TNS1: variants seen among roughly 807,000 people sequenced by gnomAD.
The protein encoded by TNS1 is tensin 1.
TNS1 carries 62 observed loss-of-function variants against 168.6 expected under a neutral mutation model. The ratio of observed to expected loss-of-function variants is 0.37; its 90% CI spans 0.30 to 0.45. The LOEUF (loss-of-function observed/expected upper bound fraction) is 0.45, where lower values mean the gene tolerates loss of function less well. Ranked by LOEUF, TNS1 falls within the 20% of genes least tolerant of loss-of-function variation. TNS1 has a pLI of 1.00. For synonymous variants in TNS1, 934 were observed against 933.2 expected, an observed-to-expected ratio of 1.00 and a Z score of -0.02; for missense variants, 2,240 against 2,339.4, an observed-to-expected ratio of 0.96 and a Z score of 0.88.
At chr2:217,994,736 A>G (rs1174014940) in intron 1 of TNS1, among the ~76,000 whole-genome samples, 1 of 152,176 alleles carries the variant, frequency 6.6e-6, no homozygotes, top group Non-Finnish European at 1.5e-5. Context: ...TGAGTTTACA[A>G]AATATTTCCC....
At position 217,921,641 on chromosome 2, in the gene TNS1, CTCAT is replaced by C. The variant is rs1445021800; in HGVS notation, c.187-1409_187-1406del. 2.0e-5 allele frequency among the ~76,000 whole-genome samples: 3 copies of C among 152,324 alleles called. No individual in the cohort carries two copies. The South Asian group carries it at 6.2e-4, about 32-fold the overall frequency. ...GTCGGGCTACAGACTCCCTGCCCAA[CTCAT>C]TCTCCAGCAAAGAGGCCCAAATGGA... On this transcript the variant is annotated intron_variant, in intron 3 of 32. Transcript: ENST00000682258.
At chr2:217,881,344 T>C in intron 17 of TNS1, 1 of 249,540 alleles carries the variant, frequency 4.0e-6, no homozygotes, top group South Asian at 7.6e-5. Context: ...CTGGGGCTCC[T>C]GAGGCAGTGC....
chr2:217,913,360 A>G (rs2125825183), intron 4 of TNS1, among the ~76,000 whole-genome samples: 1 of 152,178 alleles, frequency 6.6e-6, no homozygotes, highest in Non-Finnish European at 1.5e-5. Flanking sequence ...CCAAATCCTG[A>G]CTGAGGCTGT....
Position 217,956,430 on chromosome 2 carries a change from G to A in TNS1, c.186+22335C>T, listed in dbSNP as rs6147174. Among the ~76,000 whole-genome samples the A allele has an allele frequency of 6.3e-4, 43 of 68,460 alleles. No homozygotes were observed. The African/African-American group carries it at 7.6e-3, about 12-fold the overall frequency. The allele number at this position is 68,460 out of a possible 152,430, so 44.9% of individuals were successfully genotyped here. A position where few individuals can be genotyped will look rare whatever the true frequency, so the allele number is the denominator to read the frequency against. On this transcript the variant is annotated intron_variant, in intron 3 of 32. Coordinates refer to ENST00000682258, the MANE Select transcript of TNS1 (RefSeq NM_001387777.1). ...CAGCAGAAGGGGGAGTAACAAGGAC[G>A]CAGAAAAGAGAAAGAACAAAGAAAT...
intron 18 of TNS1, chr2:217,858,524 G>A (rs756377518): frequency 3.0e-5 from 30 of 986,052 alleles, no homozygotes; most frequent in South Asian, 9.4e-5. Context: ...GGGAGGAAGC[G>A]GAGGGAAGCC....
At chr2:217,959,069 T>C (rs1957432882) in intron 3 of TNS1, among the ~76,000 whole-genome samples, 2 of 152,154 alleles carry the variant, frequency 1.3e-5, no homozygotes, top group Non-Finnish European at 2.9e-5. Flanking sequence ...AGTGCTGCAC[T>C]GTGCGGGGAG....
intron 4 of TNS1, 141 bp from the exon 5 acceptor site, chr2:217,907,392 T>C: frequency 1.6e-6 from 1 of 640,592 alleles, no homozygotes; most frequent in Non-Finnish European, 2.9e-6. Context: ...TCAGGCATAA[T>C]CTGGCTGGCC....
intron 3 of TNS1, among the ~76,000 whole-genome samples, chr2:217,920,648 G>A (rs192795183): frequency 1.5e-4 from 22 of 150,830 alleles, no homozygotes; most frequent in African/African-American, 4.9e-4. Context: ...CTGTGATTAG[G>A]ACCATCATCA....
intron 18 of TNS1, among the ~76,000 whole-genome samples, chr2:217,867,231 G>A (rs1949357525): frequency 6.6e-6 from 1 of 152,126 alleles, no homozygotes; most frequent in Admixed American, 6.5e-5. Flanking sequence ...TCACTGTCTG[G>A]GAGCATCAAT....
At chr2:217,870,050 T>C (rs373957700) in intron 18 of TNS1, among the ~76,000 whole-genome samples, 41 of 152,318 alleles carry the variant, frequency 2.7e-4, no homozygotes, top group Non-Finnish European at 4.3e-4. Context: ...TTCCTTTTAC[T>C]TTCCAGACTT....
chr2:217,828,362 T>C (rs1372003152), intron 22 of TNS1, among the ~76,000 whole-genome samples: 2 of 152,110 alleles, frequency 1.3e-5, no homozygotes. Context: ...GCACAGGCCA[T>C]CCCCGCTTAG....
upstream of TNS1, among the ~76,000 whole-genome samples, chr2:218,013,877 G>A (rs1958733055): frequency 1.3e-5 from 2 of 152,180 alleles, no homozygotes; most frequent in Admixed American, 6.5e-5. Context: ...ATGGCCAGGT[G>A]GGATGGAGTC....
At chr2:217,944,214 G>A (rs1957042964) in intron 3 of TNS1, 4 of 152,288 alleles carry the variant, frequency 2.6e-5, no homozygotes, top group Admixed American at 1.3e-4. Context: ...GTGCTCTGCT[G>A]GCTGCACTCT....
Position 217,813,424 on chromosome 2 carries a change from A to G in TNS1, c.4862-117T>C, listed in dbSNP as rs1941331694. 1.0e-6 allele frequency: 1 copy of G among 1,003,034 alleles called. No individual in the cohort carries two copies. The highest frequency in any genetic ancestry group is 1.5e-6 in the Non-Finnish European group (1 of 662,528). 62.1% of individuals were successfully genotyped at this position (1,003,034 alleles called of 1,614,324 possible). Reference sequence around the variant, plus strand: ...GGGGCCAAGATGGGAGAAATGACTGAAGAGAGAACGTGGCTGGAGCCCCAT... The same window carrying G: ...GGGGCCAAGATGGGAGAAATGACTGGAGAGAGAACGTGGCTGGAGCCCCAT... On this transcript the variant is annotated intron_variant, in intron 26 of 32. Transcript: ENST00000682258. This position sits in a 1 kb window ranked among gnomAD's most constrained non-coding sequence, Gnocchi z 4.0.
Position 217,800,947 on chromosome 2 carries a change from T to C in TNS1, c.*3512A>G, listed in dbSNP as rs1057027046. Reference sequence around the variant, plus strand: ...CTACTCACTAACCTCCTGAGAGCCGTTTATAGGGGGATCACACTTGTCCAG... The same window carrying C: ...CTACTCACTAACCTCCTGAGAGCCGCTTATAGGGGGATCACACTTGTCCAG... On this transcript the variant is annotated 3_prime_UTR_variant, in exon 33 of 33. Coordinates refer to ENST00000682258, the MANE Select transcript of TNS1 (RefSeq NM_001387777.1). 6.6e-6 allele frequency: 1 copy of C among 151,880 alleles called. No individual in the cohort carries two copies. Among genetic ancestry groups the C allele is most frequent in the Non-Finnish European group, 1.5e-5 (1 of 67,994 alleles). The allele number at this position is 151,880 out of a possible 1,614,324, so 9.4% of individuals were successfully genotyped here.
At position 217,999,303 on chromosome 2, in the gene TNS1, C is replaced by T. The variant is rs1318983034; in HGVS notation, c.33+3537G>A. On this transcript the variant is annotated intron_variant, in intron 1 of 32. Transcript: ENST00000682258. ...AAGAAGCACTAACATTTCTTGAGCTCTTACATGTGAGAGACACTTTTCTAA... is the reference window on the plus strand; with the variant it reads ...AAGAAGCACTAACATTTCTTGAGCTTTTACATGTGAGAGACACTTTTCTAA... Among the ~76,000 whole-genome samples, 3 of 152,192 alleles carry T rather than the reference C, an allele frequency of 2.0e-5. No individual in the cohort carries two copies. The East Asian group carries it at 5.8e-4, about 29-fold the overall frequency.
At chr2:217,944,833 GA>G (rs1957063488) in intron 3 of TNS1, among the ~76,000 whole-genome samples, 1 of 152,238 alleles carries the variant, frequency 6.6e-6, no homozygotes, top group African/African-American at 2.4e-5. Context: ...GTACATGCAT[GA>G]AGTTTTCCAT....
At chr2:217,896,525 A>C (rs1318712796) in intron 8 of TNS1, among the ~76,000 whole-genome samples, 1 of 152,222 alleles carries the variant, frequency 6.6e-6, no homozygotes, top group Non-Finnish European at 1.5e-5. Flanking sequence ...ATCCCACCGC[A>C]AGCTAGGAAA....
upstream of TNS1, among the ~76,000 whole-genome samples, chr2:218,005,619 C>G (rs1958650534): frequency 6.6e-6 from 1 of 152,232 alleles, no homozygotes; most frequent in Non-Finnish European, 1.5e-5. Flanking sequence ...TGTCTCCACC[C>G]CAACCCACAC....
Sources: allele counts gnomAD v4.1 joint callset (sites outside exome capture counted in the v4.1 genomes callset), GRCh38; gene constraint gnomAD v4.1.1; non-coding constraint Gnocchi (gnomAD v3.1); transcripts MANE v1.5; gene names NCBI Gene and HGNC (gene_info 2026-07-23, HGNC 2026-07-21).